NKAIN3: variants seen among roughly 807,000 people sequenced by gnomAD.
NKAIN3 encodes the protein sodium/potassium-transporting ATPase subunit beta-1-interacting protein 3.
A neutral mutation model predicts 30.2 loss-of-function variants in NKAIN3; 25 were observed. The ratio of observed to expected loss-of-function variants is 0.83; its 90% CI spans 0.60 to 1.16. The LOEUF (loss-of-function observed/expected upper bound fraction) is 1.16, where lower values mean the gene tolerates loss of function less well. Among genes scored for constraint, NKAIN3 ranks in the 50% most tolerant of loss-of-function variants. The pLI, the probability that NKAIN3 is intolerant of heterozygous loss-of-function variation, is 0.00. For missense variants in NKAIN3, 225 were observed against 254.1 expected (o/e 0.89, Z 0.78); for synonymous variants, 91 against 89.6 (o/e 1.02, Z -0.09).
intron 1 of NKAIN3, among the ~76,000 whole-genome samples, chr8:62,286,160 A>G (rs1248544990): frequency 6.6e-6 from 1 of 152,184 alleles, no homozygotes; most frequent in Non-Finnish European, 1.5e-5. Flanking sequence ...ACAACAGAAT[A>G]TTATCATTGG....
intron 1 of NKAIN3, chr8:62,344,708 AGT>A (rs1815872170): frequency 1.6e-5 from 4 of 243,614 alleles, no homozygotes; most frequent in South Asian, 1.4e-4. Flanking sequence ...CCTGCAACCC[AGT>A]TGCCTATGGA....
intron 4 of NKAIN3, among the ~76,000 whole-genome samples, chr8:62,898,087 A>G (rs546852323): frequency 3.1e-4 from 47 of 152,288 alleles, no homozygotes; most frequent in African/African-American, 1.0e-3. Flanking sequence ...GCAATCAATT[A>G]CACTCCAAAA....
At chr8:62,251,114 A>G (rs1020695567) in intron 1 of NKAIN3, among the ~76,000 whole-genome samples, 7 of 152,152 alleles carry the variant, frequency 4.6e-5, no homozygotes, top group Non-Finnish European at 8.8e-5. Flanking sequence ...GGACTTTGAC[A>G]TAAACATTTC....
chr8:62,874,594 A>C (rs1016007450), intron 4 of NKAIN3, among the ~76,000 whole-genome samples: 5 of 152,226 alleles, frequency 3.3e-5, no homozygotes, highest in African/African-American at 1.2e-4. Flanking sequence ...TGAATCCAGC[A>C]GCACATCAAA....
chr8:62,614,906 C>T (rs1811403479), intron 3 of NKAIN3, among the ~76,000 whole-genome samples: 2 of 152,138 alleles, frequency 1.3e-5, no homozygotes, highest in Admixed American at 1.3e-4. Flanking sequence ...GTGAACTCCC[C>T]TCTGGCCCAG....
intron 1 of NKAIN3, among the ~76,000 whole-genome samples, chr8:62,368,787 A>G (rs898270916): frequency 2.0e-5 from 3 of 149,546 alleles, no homozygotes; most frequent in Admixed American, 1.4e-4. Flanking sequence ...ACTATTATTT[A>G]ATTATTCTCA....
chr8:62,422,597 A>G (rs1585791768), intron 1 of NKAIN3, among the ~76,000 whole-genome samples: 1 of 152,228 alleles, frequency 6.6e-6, no homozygotes, highest in Admixed American at 6.5e-5. Context: ...TGGCACTCAT[A>G]TGAGACATTA....
chr8:62,533,995 C>G (rs571165609), intron 1 of NKAIN3, among the ~76,000 whole-genome samples: 176 of 152,182 alleles, frequency 1.2e-3, no homozygotes, highest in African/African-American at 4.0e-3. Context: ...TGATTGTCTC[C>G]GGCTGACTTC....
chr8:62,675,800 A>C (rs934040377), intron 3 of NKAIN3, among the ~76,000 whole-genome samples: 2 of 152,254 alleles, frequency 1.3e-5, no homozygotes, highest in Middle Eastern at 3.4e-3. Context: ...CATCAAATCT[A>C]CCTGCCATCA....
chr8:62,963,789 C>T (rs1823634340), intron 6 of NKAIN3, among the ~76,000 whole-genome samples: 1 of 152,126 alleles, frequency 6.6e-6, no homozygotes. Flanking sequence ...AGGATTCCCA[C>T]TCCTGGGGCG....
chr8:62,588,095 G>A (rs962646512), intron 2 of NKAIN3, among the ~76,000 whole-genome samples: 4 of 151,436 alleles, frequency 2.6e-5, no homozygotes, highest in African/African-American at 7.3e-5. Context: ...CTTTTTCAAT[G>A]GCTTTTTTCT....
intron 5 of NKAIN3, among the ~76,000 whole-genome samples, chr8:62,927,548 G>T (rs1030574370): frequency 6.6e-6 from 1 of 152,082 alleles, no homozygotes; most frequent in South Asian, 2.1e-4. Flanking sequence ...ACACTGATTT[G>T]ATCTTTGCAA....
intron 4 of NKAIN3, among the ~76,000 whole-genome samples, chr8:62,807,150 G>A (rs1016903620): frequency 1.3e-5 from 2 of 152,104 alleles, no homozygotes; most frequent in Admixed American, 1.3e-4. Flanking sequence ...AGAATTTATG[G>A]ATATTTGTTA....
chr8:62,615,981 A>C (rs1433501729), intron 3 of NKAIN3, among the ~76,000 whole-genome samples: 1 of 152,118 alleles, frequency 6.6e-6, no homozygotes, highest in Non-Finnish European at 1.5e-5. Flanking sequence ...TTCTCTGTGT[A>C]GATAGTTGTT....
At chr8:62,734,981 A>G (rs1202512437) in intron 3 of NKAIN3, among the ~76,000 whole-genome samples, 1 of 152,100 alleles carries the variant, frequency 6.6e-6, no homozygotes, top group East Asian at 1.9e-4. Flanking sequence ...CGTTAATATG[A>G]TTGGTTTTTC....
In NKAIN3 at chr8:62,579,593, A is replaced by G. The variant is rs1810228817; in HGVS notation, c.109A>G (p.Ile37Val). ...CTTCCTTGGTTTCCAGTGGGCGCCTATTCTTGGAAATTTTCTACACATAAT... is the reference window on the plus strand; with the variant it reads ...CTTCCTTGGTTTCCAGTGGGCGCCTGTTCTTGGAAATTTTCTACACATAAT... ...FDFLGFQWAP[I>V]LGNFLHIIVV... The change falls in exon 2 of 7, where the codon ATT (isoleucine) becomes GTT (valine). Residue 37 changes from isoleucine (I) to valine (V), a missense_variant. Ile to Val is a conservative substitution (Grantham distance 29). Coordinates refer to ENST00000623646, the MANE Select transcript of NKAIN3 (RefSeq NM_001304533.3). 2 of 1,611,092 alleles carry G rather than the reference A, an allele frequency of 1.2e-6. No individual in the cohort carries two copies. The highest frequency in any genetic ancestry group is 1.7e-6 in the Non-Finnish European group (2 of 1,177,868).
At chr8:62,812,755 T>C (rs376946463) in intron 4 of NKAIN3, among the ~76,000 whole-genome samples, 1 of 151,930 alleles carries the variant, frequency 6.6e-6, no homozygotes, top group African/African-American at 2.4e-5. Context: ...TAATGAAGAC[T>C]AAATTTATTC....
At chr8:62,581,004 A>G (rs10111119) in intron 2 of NKAIN3, among the ~76,000 whole-genome samples, 76,887 of 148,824 alleles carry the variant, frequency 0.52, 20,532 homozygotes, top group Middle Eastern at 0.61. Context: ...TTGGGGGGCC[A>G]AGGCAGGAGG....
chr8:62,892,040 G>T (rs1027741740), intron 4 of NKAIN3, among the ~76,000 whole-genome samples: 1 of 152,046 alleles, frequency 6.6e-6, no homozygotes, highest in African/African-American at 2.4e-5. Flanking sequence ...ACAAAACTAG[G>T]GCTGATGAAG....
Sources: gnomAD v4.1 joint callset for allele counts (sites outside exome capture counted in the v4.1 genomes callset) on GRCh38, gnomAD v4.1.1 for gene constraint, MANE v1.5 for transcripts, NCBI Gene and HGNC (gene_info 2026-07-23, HGNC 2026-07-21) for gene names.